Variants in PTPRN2 observed in about 807,000 individuals in gnomAD.
PTPRN2 encodes protein tyrosine phosphatase receptor type N2, also known as receptor-type tyrosine-protein phosphatase N2.
A neutral mutation model predicts 118.8 loss-of-function variants in PTPRN2; 74 were observed. That is an observed-to-expected ratio of 0.62 (90% CI 0.52 to 0.76). The LOEUF (loss-of-function observed/expected upper bound fraction) is 0.76, where lower values mean the gene tolerates loss of function less well. Among genes scored for constraint, PTPRN2 ranks in the 30% least tolerant of loss-of-function variants. The pLI is 0.00. For missense variants in PTPRN2, 1,481 were observed against 1,394.4 expected (o/e 1.06, Z -0.99); for synonymous variants, 641 against 608.0 (o/e 1.05, Z -0.80).
At chr7:158,098,365 C>T (rs182559228) in intron 10 of PTPRN2, among the ~76,000 whole-genome samples, 170 of 152,298 alleles carry the variant, frequency 1.1e-3, no homozygotes, top group Non-Finnish European at 1.8e-3. Context: ...GAGGGACGGG[C>T]GGCGGGACTC....
At chr7:158,485,861 C>T (rs35205682) in intron 2 of PTPRN2, among the ~76,000 whole-genome samples, 29,167 of 152,128 alleles carry the variant, frequency 0.19, 3,303 homozygotes, top group East Asian at 0.41. Flanking sequence ...CATTTTCGCA[C>T]GGCTGTCATC....
chr7:158,337,737 C>G (rs1182032845), intron 2 of PTPRN2, among the ~76,000 whole-genome samples: 1 of 141,620 alleles, frequency 7.1e-6, no homozygotes, highest in African/African-American at 2.7e-5. Flanking sequence ...TCACTCACAA[C>G]CACACTCTCA....
intron 2 of PTPRN2, among the ~76,000 whole-genome samples, chr7:158,489,521 T>G (rs1271731171): frequency 2.0e-5 from 3 of 152,182 alleles, no homozygotes; most frequent in South Asian, 4.1e-4. Flanking sequence ...CAAGGGTTGG[T>G]GCGAGCGATG....
intron 15 of PTPRN2, among the ~76,000 whole-genome samples, chr7:157,613,166 T>C (rs971280415): frequency 6.6e-5 from 10 of 152,116 alleles, no homozygotes; most frequent in African/African-American, 2.4e-4. Context: ...ACCTCGGTGG[T>C]TCCTTCAGCT....
At chr7:158,119,778 G>T (rs1817007128) in intron 9 of PTPRN2, among the ~76,000 whole-genome samples, 1 of 152,034 alleles carries the variant, frequency 6.6e-6, no homozygotes. Flanking sequence ...TTTATATAGG[G>T]TTCTGCACTA....
chr7:158,110,308 C>T (rs930573546), intron 10 of PTPRN2, among the ~76,000 whole-genome samples: 1 of 152,244 alleles, frequency 6.6e-6, no homozygotes, highest in African/African-American at 2.4e-5. Flanking sequence ...CCTGTGTGTA[C>T]TCACCCACCA....
At position 157,921,011 on chromosome 7, in the gene PTPRN2, T is replaced by G. The variant is rs148703381; in HGVS notation, c.1724-22274A>C. 5.5e-3 allele frequency among the ~76,000 whole-genome samples: 841 copies of G among 152,288 alleles called. 8 individuals are homozygous for G. The highest frequency in any genetic ancestry group is 0.019 in the African/African-American group (783 of 41,578). ...AAATAGAGTTGAAAACTTATGTCCATACAAAAATATGCACATGGATGTTTA... is the reference window on the plus strand; with the variant it reads ...AAATAGAGTTGAAAACTTATGTCCAGACAAAAATATGCACATGGATGTTTA... On this transcript the variant is annotated intron_variant, in intron 11 of 22. Transcript: ENST00000389418.
chr7:157,968,555 G>T (rs1260676468), intron 11 of PTPRN2, among the ~76,000 whole-genome samples: 2 of 152,202 alleles, frequency 1.3e-5, no homozygotes, highest in African/African-American at 4.8e-5. Flanking sequence ...AACAAGGCTC[G>T]AACGCTGGAG....
chr7:158,335,017 G>T lies in PTPRN2; in HGVS notation c.164-18085C>A, dbSNP rs113303765. Among the ~76,000 whole-genome samples, 39 of 10,070 alleles carry T rather than the reference G, an allele frequency of 3.9e-3. 8 individuals carry two copies. Among genetic ancestry groups the T allele is most frequent in the African/African-American group, 8.4e-3 (35 of 4,160 alleles). The allele number at this position is 10,070 out of a possible 152,430, so 6.6% of individuals were successfully genotyped here. The stretch of plus-strand genomic sequence containing the variant: ...ACTCACACCCACACTGTCACCATAA[G>T]AGCTGACACCCGCAGACGTCACTCA... On this transcript the variant is annotated intron_variant, in intron 2 of 22. Transcript: ENST00000389418.
intron 2 of PTPRN2, among the ~76,000 whole-genome samples, chr7:158,437,265 T>C (rs1816634280): frequency 6.6e-6 from 1 of 152,258 alleles, no homozygotes; most frequent in Admixed American, 6.5e-5. Flanking sequence ...TAGATTCAGC[T>C]CTAGAATTTC....
chr7:158,273,685 A>AGG (rs1387912894), intron 3 of PTPRN2, among the ~76,000 whole-genome samples: 1 of 114,650 alleles, frequency 8.7e-6, no homozygotes, highest in Non-Finnish European at 1.8e-5. Context: ...CCGCAGACAC[A>AGG]GGGAGCCGCA....
intron 11 of PTPRN2, among the ~76,000 whole-genome samples, chr7:158,072,035 G>A (rs1249179953): frequency 3.3e-4 from 48 of 143,374 alleles, no homozygotes; most frequent in Non-Finnish European, 5.7e-4. Context: ...CATGGTGGAG[G>A]TGCTCGTGGT....
intron 11 of PTPRN2, among the ~76,000 whole-genome samples, chr7:158,017,632 C>T (rs973573299): frequency 2.0e-5 from 3 of 152,204 alleles, no homozygotes; most frequent in Non-Finnish European, 4.4e-5. Context: ...ACTAACTCAG[C>T]AGCCGAGAAC....
At chr7:157,855,107 G>C (rs528915661) in intron 12 of PTPRN2, among the ~76,000 whole-genome samples, 1 of 151,184 alleles carries the variant, frequency 6.6e-6, no homozygotes, top group East Asian at 1.9e-4. Flanking sequence ...TGTGTGTGGG[G>C]CCGGATCGGG....
intron 3 of PTPRN2, among the ~76,000 whole-genome samples, chr7:158,270,021 ACT>A (rs569011290): frequency 9.2e-5 from 14 of 152,224 alleles, no homozygotes; most frequent in Admixed American, 7.8e-4. Flanking sequence ...TTGCCCGTCC[ACT>A]CTCTGCCTGA....
chr7:157,924,018 C>T (rs1021062425), intron 11 of PTPRN2, among the ~76,000 whole-genome samples: 2 of 152,068 alleles, frequency 1.3e-5, no homozygotes, highest in African/African-American at 4.8e-5. Context: ...TTTGGGAGAC[C>T]CCATGGGCAC....
intron 10 of PTPRN2, among the ~76,000 whole-genome samples, chr7:158,082,731 G>A (rs559384309): frequency 6.6e-6 from 1 of 152,332 alleles, no homozygotes; most frequent in South Asian, 2.1e-4. Flanking sequence ...AATGCACCAT[G>A]TCCACCACTG....
rs537700854 is a variant in PTPRN2, at chr7:158,448,599, G to A, written c.163+41136C>T. 2.0e-5 allele frequency among the ~76,000 whole-genome samples: 3 copies of A among 152,338 alleles called. No individual in the cohort carries two copies. The East Asian group carries it at 5.8e-4, about 30-fold the overall frequency. On this transcript the variant is annotated intron_variant, in intron 2 of 22. Coordinates refer to ENST00000389418, the MANE Select transcript of PTPRN2 (RefSeq NM_002847.5). ...CCCCTCAGCGGGAGGGCCGTAGCATGAGGGGCTCCTCCTGCAGCTCCCACT... is the reference window on the plus strand; with the variant it reads ...CCCCTCAGCGGGAGGGCCGTAGCATAAGGGGCTCCTCCTGCAGCTCCCACT...
intron 1 of PTPRN2, among the ~76,000 whole-genome samples, chr7:158,511,194 T>C (rs1248857053): frequency 6.6e-6 from 1 of 152,176 alleles, no homozygotes; most frequent in Admixed American, 6.5e-5. Flanking sequence ...TCTTACCTTT[T>C]CCTTTCCCTC....
Sources: gnomAD v4.1 joint callset for allele counts (sites outside exome capture counted in the v4.1 genomes callset) on GRCh38, gnomAD v4.1.1 for gene constraint, MANE v1.5 for transcripts, NCBI Gene and HGNC (gene_info 2026-07-23, HGNC 2026-07-21) for gene names.